OSR2: variants seen among roughly 807,000 people sequenced by gnomAD.
The protein encoded by OSR2 is odd-skipped related transciption factor 2.
A neutral mutation model predicts 22.3 loss-of-function variants in OSR2; 8 were observed. That is an observed-to-expected ratio of 0.36 (90% confidence interval 0.21 to 0.65). The LOEUF (loss-of-function observed/expected upper bound fraction) is 0.65. Among genes scored for constraint, OSR2 ranks in the 30% least tolerant of loss-of-function variants. The pLI, the probability that OSR2 is intolerant of heterozygous loss-of-function variation, is 0.66. For missense variants in OSR2, 311 were observed against 413.4 expected (o/e 0.75, Z 2.15); for synonymous variants, 179 against 173.8 (o/e 1.03, Z -0.23).
rs7814088 is a variant in OSR2 at position 98,948,048 on chromosome 8, A to G, written c.-114-791A>G. ...ACCCCACCCCCTGGGAGCCTGAACC[A>G]TCTGGAAGGGATCTTAGTCGGGGGT... On this transcript the variant is annotated intron_variant, in intron 1 of 3. Transcript: ENST00000297565. The surrounding 1 kb of genome is among the most constrained non-coding windows in gnomAD (Gnocchi z 6.0). 59,377 of 1,211,038 alleles carry G rather than the reference A, an allele frequency of 0.049. 1,970 individuals are homozygous for G. The highest frequency in any genetic ancestry group is 0.16 in the African/African-American group (10,166 of 63,294). 75.0% of individuals were successfully genotyped at this position (1,211,038 alleles called of 1,614,324 possible).
Position 98,949,696 on chromosome 8 carries a change from A to T in OSR2, c.656+88A>T. On this transcript the variant is annotated intron_variant, in intron 2 of 3. Transcript: ENST00000297565. The surrounding 1 kb of genome is among the most constrained non-coding windows in gnomAD (Gnocchi z 5.9). ...CCTGATAGACATTCCCAGTGTCATT[A>T]TAATCCCCTGTGATCTAAAATACAC... 2 of 1,454,210 alleles carry T rather than the reference A, an allele frequency of 1.4e-6. No individual in the cohort carries two copies. The highest frequency in any genetic ancestry group is 1.9e-6 in the Non-Finnish European group (2 of 1,073,694). The allele number at this position is 1,454,210 out of a possible 1,614,324, so 90.1% of individuals were successfully genotyped here. A position where few individuals can be genotyped will look rare whatever the true frequency, so the allele number is the denominator to read the frequency against.
Position 98,948,075 on chromosome 8 carries a change from G to A in OSR2, c.-114-764G>A, listed in dbSNP as rs1437511584. 1.7e-5 allele frequency: 23 copies of A among 1,317,014 alleles called. No individual in the cohort carries two copies. The highest frequency in any genetic ancestry group is 3.1e-5 in the African/African-American group (2 of 65,422). The allele number at this position is 1,317,014 out of a possible 1,614,324, so 81.6% of individuals were successfully genotyped here. ...CTGGAAGGGATCTTAGTCGGGGGTT[G>A]GGAGGAGAGCCCGTGGATAGGAGGA... On this transcript the variant is annotated intron_variant, in intron 1 of 3. Transcript: ENST00000297565. The surrounding 1 kb of genome is among the most constrained non-coding windows in gnomAD (Gnocchi z 6.0).
In OSR2 at chr8:98,949,394, T is replaced by A. The variant is rs1319113610; in HGVS notation, c.442T>A (p.Ser148Thr). 6.2e-7 allele frequency: 1 copy of A among 1,613,638 alleles called. No individual in the cohort carries two copies. The highest frequency in any genetic ancestry group is 1.7e-5 in the Admixed American group (1 of 59,972). Reference sequence around the variant, plus strand: ...GAGCCCAGGACTGGGTAGCCCCATCTCGGGCCTCAGTAAATTGACTCCGGA... The same window carrying A: ...GAGCCCAGGACTGGGTAGCCCCATCACGGGCCTCAGTAAATTGACTCCGGA... ...KLSPGLGSPI[S>T]GLSKLTPDRK... Residue 148 changes from serine to threonine, a missense_variant, in exon 2 of 4, where the codon TCG becomes ACG. By Grantham distance (58) the Ser-to-Thr change is moderately conservative (BLOSUM62 1). Coordinates refer to ENST00000297565, the MANE Select transcript of OSR2 (RefSeq NM_001142462.3). The surrounding 1 kb of genome is among the most constrained non-coding windows in gnomAD (Gnocchi z 5.9).
In OSR2 at chr8:98,951,785, T is replaced by A; in HGVS notation, c.*84T>A. 1 of 1,402,390 alleles carries A rather than the reference T, an allele frequency of 7.1e-7. No individual in the cohort carries two copies. Among genetic ancestry groups the A allele is most frequent in the Admixed American group, 2.3e-5 (1 of 43,696 alleles). The allele number at this position is 1,402,390 out of a possible 1,614,324, so 86.9% of individuals were successfully genotyped here. A position where few individuals can be genotyped will look rare whatever the true frequency, so the allele number is the denominator to read the frequency against. ...TCTCCTACCCAGGGGGTCGCATCCCTAGCCCTTCACTGACCCCAGCTCTTC... is the reference window on the plus strand; with the variant it reads ...TCTCCTACCCAGGGGGTCGCATCCCAAGCCCTTCACTGACCCCAGCTCTTC... On this transcript the variant is annotated 3_prime_UTR_variant, in exon 4 of 4. Transcript: ENST00000297565.
chr8:98,949,555 G>T lies in OSR2; in HGVS notation c.603G>T (p.Thr201=), dbSNP rs1470224422. 1 of 1,613,890 alleles carries T rather than the reference G, an allele frequency of 6.2e-7. No individual in the cohort carries two copies. The highest frequency in any genetic ancestry group is 8.5e-7 in the Non-Finnish European group (1 of 1,179,814). ...ERTHTDERPY[T]CDICHKAFRR... is the part of the protein sequence containing the mutation. ...CCCACACGGACGAGAGGCCGTACAC[G>T]TGTGACATCTGCCACAAGGCCTTCC... Residue 201 remains threonine (T), a synonymous_variant, in exon 2 of 4, where the codon ACG becomes ACT. Coordinates refer to ENST00000297565, the MANE Select transcript of OSR2 (RefSeq NM_001142462.3). The surrounding 1 kb of genome is among the most constrained non-coding windows in gnomAD (Gnocchi z 5.9).
rs1564125940 is a variant in OSR2 at position 98,950,692 on chromosome 8, G to A, written c.693G>A (p.Gln231=). The change falls in exon 3 of 4, where the codon CAG becomes CAA. Residue 231 remains glutamine (Q), a synonymous_variant. Coordinates refer to ENST00000297565, the MANE Select transcript of OSR2 (RefSeq NM_001142462.3). ...IHSKEKPFKC[Q]ECGKGFCQSR... is the part of the protein sequence containing the mutation. ...CCAAAGAAAAACCCTTCAAATGTCA[G>A]GAGTGTGGGAAAGGATTTTGTCAGT... is the stretch of plus-strand genomic sequence containing the variant. 6.2e-7 allele frequency: 1 copy of A among 1,613,146 alleles called. No homozygotes were observed. The highest frequency in any genetic ancestry group is 8.5e-7 in the Non-Finnish European group (1 of 1,179,438).
Position 98,947,662 on chromosome 8 carries a change from T to C in OSR2, c.-114-1177T>C, listed in dbSNP as rs189310144. Among the ~76,000 whole-genome samples, 30 of 152,258 alleles carry C rather than the reference T, an allele frequency of 2.0e-4. No individual in the cohort carries two copies. In the East Asian group the frequency reaches 4.4e-3, roughly 23 times the overall value. On this transcript the variant is annotated intron_variant, in intron 1 of 3. Transcript: ENST00000297565. ...GTCTGAAATCAGACCTGTGTTGCCATTGGGAGCACGGAGAGAGGGGAAGCG... is the reference window on the plus strand; with the variant it reads ...GTCTGAAATCAGACCTGTGTTGCCACTGGGAGCACGGAGAGAGGGGAAGCG...
rs2132086875 is a variant in OSR2, at chr8:98,948,938, C to A, written c.-15C>A. 6.2e-7 allele frequency: 1 copy of A among 1,613,904 alleles called. No homozygotes were observed. The highest frequency in any genetic ancestry group is 1.3e-5 in the African/African-American group (1 of 75,072). On this transcript the variant is annotated 5_prime_UTR_variant, in exon 2 of 4. Transcript: ENST00000297565. The surrounding 1 kb of genome is among the most constrained non-coding windows in gnomAD (Gnocchi z 6.0). ...GAAAGGGTTGGTCCCCTCAGCACCC[C>A]CAGCATCCCGGAAAATGGGGAGCAA...
At position 98,949,138 on chromosome 8, in the gene OSR2, C is replaced by T. The variant is rs1840706348; in HGVS notation, c.186C>T (p.His62=). ...GGACGCTGGGGTATCCCAATGTGCA[C>T]GAGATCACCCGCTCCACCATCACGG... ...NHWTLGYPNV[H]EITRSTITEM... is the part of the protein sequence containing the mutation. The change falls in exon 2 of 4, where the codon CAC becomes CAT. Residue 62 remains histidine, a synonymous_variant. Coordinates refer to ENST00000297565, the MANE Select transcript of OSR2 (RefSeq NM_001142462.3). This position sits in a 1 kb window ranked among gnomAD's most constrained non-coding sequence, Gnocchi z 5.9. The T allele has an allele frequency of 6.2e-7, 1 of 1,613,062 alleles. No individual in the cohort carries two copies. Among genetic ancestry groups the T allele is most frequent in the Non-Finnish European group, 8.5e-7 (1 of 1,179,440 alleles).
intron 3 of OSR2, 22 bp from the exon 4 acceptor site, chr8:98,951,497 T>G: frequency 1.3e-6 from 2 of 1,558,034 alleles, no homozygotes; most frequent in African/African-American, 2.7e-5. Flanking sequence ...ATTAATCCTT[T>G]GCTTGCTTCA....
rs1840780988 is a variant in OSR2, at chr8:98,951,499, C to T, written c.757-20C>T. ...GGTGGTGTGAAGGATTAATCCTTTGCTTGCTTCACATCTGAACAGGAATCT... is the reference window on the plus strand; with the variant it reads ...GGTGGTGTGAAGGATTAATCCTTTGTTTGCTTCACATCTGAACAGGAATCT... On this transcript the variant is annotated intron_variant, in intron 3 of 3. Transcript: ENST00000297565. 8.3e-6 allele frequency: 13 copies of T among 1,559,332 alleles called. No individual in the cohort carries two copies. Among genetic ancestry groups the T allele is most frequent in the Non-Finnish European group, 1.1e-5 (13 of 1,151,098 alleles).
rs757268256 is a variant in OSR2 at position 98,949,622 on chromosome 8, G to A, written c.656+14G>A. ...GCGGGATCACAGGTGAGGCGGGCAA[G>A]GAGGATGGCTGGGAGAGGGAAAGCG... On this transcript the variant is annotated intron_variant, in intron 2 of 3. Transcript: ENST00000297565. This position sits in a 1 kb window ranked among gnomAD's most constrained non-coding sequence, Gnocchi z 5.9. 1 of 1,598,862 alleles carries A rather than the reference G, an allele frequency of 6.3e-7. No homozygotes were observed. Among genetic ancestry groups the A allele is most frequent in the Non-Finnish European group, 8.5e-7 (1 of 1,170,802 alleles).
intron 1 of OSR2, among the ~76,000 whole-genome samples, chr8:98,945,335 T>A (rs2132079389): frequency 6.6e-6 from 1 of 152,292 alleles, no homozygotes; most frequent in East Asian, 1.9e-4. Flanking sequence ...CACCTTCTAG[T>A]CCTGACTGAG....
In OSR2 at chr8:98,949,665, C is replaced by T. The variant is rs576653383; in HGVS notation, c.656+57C>T. On this transcript the variant is annotated intron_variant, in intron 2 of 3. Transcript: ENST00000297565. This position sits in a 1 kb window ranked among gnomAD's most constrained non-coding sequence, Gnocchi z 5.9. Reference sequence around the variant, plus strand: ...GGAAAGCGAATTTGTCCTGGACACACCGAGTCCTGATAGACATTCCCAGTG... The same window carrying T: ...GGAAAGCGAATTTGTCCTGGACACATCGAGTCCTGATAGACATTCCCAGTG... 2.6e-6 allele frequency: 4 copies of T among 1,537,528 alleles called. No individual in the cohort carries two copies. The highest frequency in any genetic ancestry group is 4.5e-5 in the East Asian group (2 of 44,250).
intron 1 of OSR2, among the ~76,000 whole-genome samples, chr8:98,947,592 G>A (rs1201307271): frequency 6.6e-6 from 1 of 152,202 alleles, no homozygotes; most frequent in East Asian, 1.9e-4. Context: ...AGTGGGAGAA[G>A]GTGGGCCCGC....
chr8:98,950,373 A>C (rs2132091137), intron 2 of OSR2, among the ~76,000 whole-genome samples: 1 of 152,234 alleles, frequency 6.6e-6, no homozygotes, highest in South Asian at 2.1e-4. Flanking sequence ...CCCAGAGAAA[A>C]CCATGGAGGC....
intron 1 of OSR2, among the ~76,000 whole-genome samples, chr8:98,945,783 A>C (rs916814979): frequency 1.3e-5 from 2 of 152,046 alleles, no homozygotes; most frequent in African/African-American, 4.8e-5. Context: ...CTTTTTAATG[A>C]TCTTCTTTGA....
Position 98,949,244 on chromosome 8 carries a change from A to T in OSR2, c.292A>T (p.Lys98Ter). Residue 98 changes from lysine (K) to a stop codon, truncating the protein, a stop_gained, in exon 2 of 4, where the codon AAG becomes TAG. Transcript: ENST00000297565. LOFTEE classifies it high-confidence loss of function. The surrounding 1 kb of genome is among the most constrained non-coding windows in gnomAD (Gnocchi z 5.9). ...TTTTACCACCCACCTATTCCACCCC[A>T]AGCAGGGGGCCATTGCCCACGTCCT... Reference protein sequence around the residue: ...LPFTTHLFHPKQGAIAHVLPA... With the variant: ...LPFTTHLFHP 1 of 1,593,852 alleles carries T rather than the reference A, an allele frequency of 6.3e-7. No homozygotes were observed. Among genetic ancestry groups the T allele is most frequent in the Non-Finnish European group, 8.6e-7 (1 of 1,168,192 alleles).
intron 3 of OSR2, 154 bp downstream of exon 3, chr8:98,950,909 T>C (rs1011026111): frequency 1.5e-6 from 1 of 663,008 alleles, no homozygotes; most frequent in African/African-American, 1.8e-5. Context: ...CTTTAATACA[T>C]AAAATTAATC....
Sources: allele counts gnomAD v4.1 joint callset (sites outside exome capture counted in the v4.1 genomes callset), GRCh38; gene constraint gnomAD v4.1.1; non-coding constraint Gnocchi (gnomAD v3.1); transcripts MANE v1.5; gene names NCBI Gene and HGNC (gene_info 2026-07-23, HGNC 2026-07-21).